Variants in FRMD4A observed in about 807,000 individuals in gnomAD.
The protein encoded by FRMD4A is FERM domain containing 4A.
In FRMD4A, 29 loss-of-function variants were observed where a neutral mutation model predicts 129.1. The observed-to-expected ratio is 0.22, with a 90% confidence interval of 0.17 to 0.31. The LOEUF is 0.31. Among genes scored for constraint, FRMD4A ranks in the 10% least tolerant of loss-of-function variants. The pLI is 1.00. For synonymous variants in FRMD4A, 634 were observed against 571.6 expected (o/e 1.11, Z -1.56); for missense variants, 1,272 against 1,375.8 (o/e 0.92, Z 1.19).
intron 2 of FRMD4A, among the ~76,000 whole-genome samples, chr10:14,235,361 T>G (rs7090250): frequency 0.26 from 35,766 of 138,854 alleles, 5,134 homozygotes; most frequent in Middle Eastern, 0.34. Context: ...TGTTAGCCAG[T>G]ATGGTCTCGA....
chr10:14,238,754 A>G (rs567228077), intron 2 of FRMD4A, among the ~76,000 whole-genome samples: 1 of 151,718 alleles, frequency 6.6e-6, no homozygotes, highest in Non-Finnish European at 1.5e-5. Context: ...TCACTGTTCA[A>G]CTCTCATTTA....
At chr10:13,830,856 C>G (rs2093779182) in intron 3 of FRMD4A, among the ~76,000 whole-genome samples, 1 of 152,174 alleles carries the variant, frequency 6.6e-6, no homozygotes, top group African/African-American at 2.4e-5. Context: ...ATGGCACATT[C>G]TCGGCTCACT....
intron 3 of FRMD4A, among the ~76,000 whole-genome samples, chr10:13,812,498 T>A (rs978839895): frequency 6.6e-6 from 1 of 152,224 alleles, no homozygotes; most frequent in Non-Finnish European, 1.5e-5. Context: ...ATTTATTGAA[T>A]GCCTACTATG....
chr10:14,140,523 G>T (rs1218456109), intron 2 of FRMD4A, among the ~76,000 whole-genome samples: 1 of 152,144 alleles, frequency 6.6e-6, no homozygotes, highest in Non-Finnish European at 1.5e-5. Context: ...GATGTTAAAT[G>T]GTACACGACC....
Position 14,296,171 on chromosome 10 carries a change from T to C in FRMD4A, c.45+33887A>G, listed in dbSNP as rs149285166. Among the ~76,000 whole-genome samples the C allele has an allele frequency of 3.9e-3, 595 of 152,126 alleles. 3 individuals are homozygous for C. The highest frequency in any genetic ancestry group is 0.013 in the African/African-American group (549 of 41,500). On this transcript the variant is annotated intron_variant, in intron 2 of 24. Transcript: ENST00000357447. Reference sequence around the variant, plus strand: ...GGGAGACTGGGTGATGTGTGCAAAATTTTAAGCCCTTTATCGGGTGAGAAT... The same window carrying C: ...GGGAGACTGGGTGATGTGTGCAAAACTTTAAGCCCTTTATCGGGTGAGAAT...
intron 2 of FRMD4A, among the ~76,000 whole-genome samples, chr10:13,975,283 GTCTA>G (rs2095538028): frequency 1.3e-5 from 2 of 151,204 alleles, no homozygotes; most frequent in Non-Finnish European, 3.0e-5. Flanking sequence ...CTGTGTATAT[GTCTA>G]TCATATGTTA....
chr10:14,300,282 G>A (rs569226826), intron 2 of FRMD4A, among the ~76,000 whole-genome samples: 3 of 152,278 alleles, frequency 2.0e-5, no homozygotes, highest in African/African-American at 7.2e-5. Flanking sequence ...TTACCCAGGA[G>A]AGAGAAGGCT....
chr10:13,761,227 A>G (rs1175421774), intron 8 of FRMD4A, among the ~76,000 whole-genome samples: 1 of 152,226 alleles, frequency 6.6e-6, no homozygotes. Flanking sequence ...CCTGTAAGAA[A>G]GTATTTTGTC....
At chr10:14,063,720 C>T (rs1466670421) in intron 2 of FRMD4A, among the ~76,000 whole-genome samples, 3 of 151,956 alleles carry the variant, frequency 2.0e-5, no homozygotes, top group Non-Finnish European at 4.4e-5. Context: ...AGGGGATCAC[C>T]GTTTTAAACC....
intron 2 of FRMD4A, among the ~76,000 whole-genome samples, chr10:14,103,512 A>G (rs1237653953): frequency 6.6e-6 from 1 of 152,192 alleles, no homozygotes; most frequent in Non-Finnish European, 1.5e-5. Context: ...CTTCCAAAAC[A>G]GCCCTGGATT....
At chr10:13,755,146 G>A (rs137862412) in intron 8 of FRMD4A, among the ~76,000 whole-genome samples, 39 of 152,212 alleles carry the variant, frequency 2.6e-4, no homozygotes, top group African/African-American at 5.1e-4. Context: ...CGATATAAAC[G>A]TTTATATTAC....
At chr10:13,688,038 A>C (rs2085262625) in intron 15 of FRMD4A, among the ~76,000 whole-genome samples, 1 of 152,148 alleles carries the variant, frequency 6.6e-6, no homozygotes, top group African/African-American at 2.4e-5. Flanking sequence ...AGCCTTAACC[A>C]ATCACTTTAA....
chr10:13,709,244 G>T (rs1012944505), intron 12 of FRMD4A, among the ~76,000 whole-genome samples: 1 of 152,144 alleles, frequency 6.6e-6, no homozygotes, highest in South Asian at 2.1e-4. Context: ...GATTACAGGC[G>T]TGAGCCACCG....
intron 11 of FRMD4A, 66 bp from the exon 12 acceptor site, chr10:13,737,996 A>G: frequency 1.1e-6 from 1 of 899,302 alleles, no homozygotes; most frequent in Non-Finnish European, 1.9e-6. Context: ...CAAAGTGGAG[A>G]TTTCCTGGCT....
chr10:14,029,191 T>A (rs1415498691), intron 2 of FRMD4A, among the ~76,000 whole-genome samples: 3 of 152,102 alleles, frequency 2.0e-5, no homozygotes, highest in East Asian at 1.9e-4. Context: ...CCCATTTCTA[T>A]GAAACATCTC....
intron 9 of FRMD4A, among the ~76,000 whole-genome samples, chr10:13,745,391 G>T (rs747709788): frequency 1.3e-5 from 2 of 152,226 alleles, no homozygotes; most frequent in Middle Eastern, 3.4e-3. Context: ...TGTGATACAC[G>T]TGGCTCCCCC....
At chr10:13,880,272 C>A (rs987851935) in intron 2 of FRMD4A, among the ~76,000 whole-genome samples, 2 of 152,188 alleles carry the variant, frequency 1.3e-5, no homozygotes, top group East Asian at 1.9e-4. Flanking sequence ...TCTGCCTCGT[C>A]ATCTCCATTT....
chr10:13,878,243 A>T (rs6602691), intron 2 of FRMD4A, among the ~76,000 whole-genome samples: 1,893 of 149,074 alleles, frequency 0.013, 46 homozygotes, highest in African/African-American at 0.044. Context: ...AAAAAAAAAA[A>T]GCTGAAATAG....
intron 2 of FRMD4A, among the ~76,000 whole-genome samples, chr10:13,924,691 C>T (rs868613195): frequency 1.3e-5 from 2 of 152,066 alleles, no homozygotes; most frequent in East Asian, 3.8e-4. Context: ...ACCCTAAGTC[C>T]TCTTAAAATG....
Sources: gnomAD v4.1 joint callset for allele counts (sites outside exome capture counted in the v4.1 genomes callset) on GRCh38, gnomAD v4.1.1 for gene constraint, MANE v1.5 for transcripts, NCBI Gene and HGNC (gene_info 2026-07-23, HGNC 2026-07-21) for gene names.